The following NAP1L1 variants were observed in gnomAD, a reference collection of about 807,000 sequenced individuals.
NAP1L1 encodes nucleosome assembly protein 1-like 1.
NAP1L1 carries 9 observed loss-of-function variants against 58.9 expected under a neutral mutation model. The ratio of observed to expected loss-of-function variants is 0.15; its 90% CI spans 0.09 to 0.27. The LOEUF (loss-of-function observed/expected upper bound fraction) is 0.27, where lower values mean the gene tolerates loss of function less well. NAP1L1 is among the 10% of genes least tolerant of loss of function. The pLI, the probability that NAP1L1 is intolerant of heterozygous loss-of-function variation, is 1.00. For missense variants in NAP1L1, 302 were observed against 458.8 expected, an observed-to-expected ratio of 0.66 and a Z score of 3.12; for synonymous variants, 130 against 138.3, an observed-to-expected ratio of 0.94 and a Z score of 0.42.
intron 4 of NAP1L1, among the ~76,000 whole-genome samples, chr12:76,062,994 T>C (rs75716539): frequency 0.026 from 3,900 of 152,242 alleles, 149 homozygotes; most frequent in African/African-American, 0.089. Context: ...AAATAAATTG[T>C]AGTTTTTAAG....
intron 4 of NAP1L1, among the ~76,000 whole-genome samples, chr12:76,062,945 TAAC>T (rs1304885110): frequency 3.3e-5 from 5 of 152,240 alleles, no homozygotes; most frequent in African/African-American, 1.2e-4. Flanking sequence ...GGAATCAGAC[TAAC>T]AACAGGCATT....
chr12:76,082,085 T>A (rs993341757), intron 1 of NAP1L1, among the ~76,000 whole-genome samples: 7 of 152,222 alleles, frequency 4.6e-5, no homozygotes, highest in African/African-American at 1.7e-4. Context: ...AAGATCTGAA[T>A]ACACTGATCA....
chr12:76,057,435 A>AG (rs1177597680), intron 6 of NAP1L1: 10 of 575,972 alleles, frequency 1.7e-5, no homozygotes, highest in Non-Finnish European at 2.5e-5. Context: ...CTGATGCTCT[A>AG]GGGAGGCCCT....
chr12:76,056,453 A>G (rs1949089755), intron 6 of NAP1L1: 5 of 360,690 alleles, frequency 1.4e-5, no homozygotes, highest in South Asian at 1.2e-4. Context: ...AATAAACAAG[A>G]AAAGCAACAG....
intron 4 of NAP1L1, among the ~76,000 whole-genome samples, chr12:76,063,347 A>G (rs1297995630): frequency 2.0e-5 from 3 of 152,242 alleles, no homozygotes; most frequent in African/African-American, 7.2e-5. Flanking sequence ...AATCAATGCC[A>G]TTAACTTTGG....
At chr12:76,052,247 TAACAAACA>T (rs541405791) in intron 11 of NAP1L1, among the ~76,000 whole-genome samples, 9 of 151,814 alleles carry the variant, frequency 5.9e-5, no homozygotes, top group African/African-American at 1.9e-4. Context: ...CAATATTTAG[TAACAAACA>T]AACAAACAAA....
In NAP1L1 at chr12:76,059,890, TAA is replaced by T. The variant is rs543757976; in HGVS notation, c.349-14_349-13del. 1 of 1,410,206 alleles carries T rather than the reference TAA, an allele frequency of 7.1e-7. No individual in the cohort carries two copies. Among genetic ancestry groups the T allele is most frequent in the Non-Finnish European group, 9.6e-7 (1 of 1,040,586 alleles). 87.4% of individuals were successfully genotyped at this position (1,410,206 alleles called of 1,614,324 possible). On this transcript the variant is annotated splice_polypyrimidine_tract_variant and intron_variant, in intron 5 of 14. Transcript: ENST00000618691. ...ATAATTTCAAATCGCTAAAATGATT[TAA>T]AAAAAAAAGGCTGTATAAAAACACT...
At chr12:76,053,986 T>C in intron 8 of NAP1L1, 77 bp from the exon 9 acceptor site, 3 of 1,403,990 alleles carry the variant, frequency 2.1e-6, no homozygotes, top group Non-Finnish European at 1.9e-6. Flanking sequence ...CAGCTTCATC[T>C]GTTTTTATAA....
At chr12:76,080,514 A>AC (rs1950361109) in intron 1 of NAP1L1, among the ~76,000 whole-genome samples, 1 of 152,252 alleles carries the variant, frequency 6.6e-6, no homozygotes. Flanking sequence ...ACTAGGCCGT[A>AC]CCATCTAGGT....
At chr12:76,074,740 TG>T (rs1361303099) in intron 1 of NAP1L1, among the ~76,000 whole-genome samples, 4 of 152,370 alleles carry the variant, frequency 2.6e-5, no homozygotes, top group Admixed American at 2.6e-4. Flanking sequence ...GTACTCACTA[TG>T]CCCTCTGGAT....
In NAP1L1 at chr12:76,055,573, A is replaced by G. The variant is rs558572351; in HGVS notation, c.558+460T>C. On this transcript the variant is annotated intron_variant, in intron 7 of 14. Coordinates refer to ENST00000618691, the MANE Select transcript of NAP1L1 (RefSeq NM_004537.7). ...CAATGTAGACGGTAGGGGCTCACTCAAGAAATGCTTGAGGCAGTTTCCCAA... is the reference window on the plus strand; with the variant it reads ...CAATGTAGACGGTAGGGGCTCACTCGAGAAATGCTTGAGGCAGTTTCCCAA... Among the ~76,000 whole-genome samples the G allele has an allele frequency of 5.9e-5, 9 of 152,368 alleles. No homozygotes were observed. In the South Asian group the frequency reaches 1.9e-3, roughly 32 times the overall value.
chr12:76,058,365 A>G (rs1392704328), intron 6 of NAP1L1, among the ~76,000 whole-genome samples: 1 of 150,278 alleles, frequency 6.7e-6, no homozygotes, highest in Non-Finnish European at 1.5e-5. Flanking sequence ...TTAGTCAAAT[A>G]AAAAATTTTG....
chr12:76,055,950 C>A, intron 7 of NAP1L1, 83 bp downstream of exon 7: 1 of 1,401,592 alleles, frequency 7.1e-7, no homozygotes, highest in East Asian at 2.3e-5. Context: ...AAGATCAACA[C>A]TGAAGAGAAC....
rs755572581 is a variant in NAP1L1, at chr12:76,073,274, A to C, written c.17+929T>G. On this transcript the variant is annotated intron_variant, in intron 2 of 14. Coordinates refer to ENST00000618691, the MANE Select transcript of NAP1L1 (RefSeq NM_004537.7). Reference sequence around the variant, plus strand: ...CTCCCACTATCATTCGCTGATGCCTACAACAGCTATGGAAAATAATTTAGC... The same window carrying C: ...CTCCCACTATCATTCGCTGATGCCTCCAACAGCTATGGAAAATAATTTAGC... Among the ~76,000 whole-genome samples, 27 of 152,116 alleles carry C rather than the reference A, an allele frequency of 1.8e-4. 1 individual carries two copies. The highest frequency in any genetic ancestry group is 6.6e-5 in the Admixed American group (1 of 15,262).
intron 6 of NAP1L1, chr12:76,057,889 AG>A: frequency 7.3e-7 from 1 of 1,362,158 alleles, no homozygotes; most frequent in Non-Finnish European, 1.0e-6. Context: ...AGGTTACTAT[AG>A]CCAAAATTCC....
chr12:76,078,343 C>A (rs889984928), intron 1 of NAP1L1, among the ~76,000 whole-genome samples: 2 of 152,088 alleles, frequency 1.3e-5, no homozygotes, highest in African/African-American at 2.4e-5. Context: ...CCCTCCAAAC[C>A]CCAAGCTATG....
Position 76,048,303 on chromosome 12 carries a change from C to T in NAP1L1, c.*126G>A, listed in dbSNP as rs530470569. ...AAATTGGTCTTTAAAATATCAGTTT[C>T]CTGTCCTTTAAAAAAAAATTACCTA... On this transcript the variant is annotated 3_prime_UTR_variant, in exon 15 of 15. Coordinates refer to ENST00000618691, the MANE Select transcript of NAP1L1 (RefSeq NM_004537.7). 2.9e-5 allele frequency: 30 copies of T among 1,031,872 alleles called. No individual in the cohort carries two copies. In the East Asian group the frequency reaches 6.5e-4, roughly 22 times the overall value. The allele number at this position is 1,031,872 out of a possible 1,614,324, so 63.9% of individuals were successfully genotyped here.
At chr12:76,080,381 G>A (rs917661277) in intron 1 of NAP1L1, among the ~76,000 whole-genome samples, 1 of 152,174 alleles carries the variant, frequency 6.6e-6, no homozygotes, top group Non-Finnish European at 1.5e-5. Context: ...TTTGTGGTTA[G>A]AGTACACTCC....
Position 76,059,889 on chromosome 12 carries a change from T to TA in NAP1L1, c.349-12_349-11insT. On this transcript the variant is annotated splice_polypyrimidine_tract_variant and intron_variant, in intron 5 of 14. Transcript: ENST00000618691. ...AATAATTTCAAATCGCTAAAATGAT[T>TA]TAAAAAAAAAAGGCTGTATAAAAAC... 1 of 1,561,654 alleles carries TA rather than the reference T, an allele frequency of 6.4e-7. No homozygotes were observed. Among genetic ancestry groups the TA allele is most frequent in the Non-Finnish European group, 8.7e-7 (1 of 1,153,244 alleles).
Sources: gnomAD v4.1 joint callset for allele counts (sites outside exome capture counted in the v4.1 genomes callset) on GRCh38, gnomAD v4.1.1 for gene constraint, MANE v1.5 for transcripts, NCBI Gene and HGNC (gene_info 2026-07-23, HGNC 2026-07-21) for gene names.